Variants in CTNNA2 observed in about 807,000 individuals in gnomAD.
CTNNA2 encodes the protein catenin alpha-2.
CTNNA2 carries 42 observed loss-of-function variants against 101.0 expected under a neutral mutation model. The observed-to-expected ratio is 0.42, with a 90% confidence interval of 0.32 to 0.54. The LOEUF is 0.54. CTNNA2 is among the 20% of genes least tolerant of loss of function. The pLI, the probability that CTNNA2 is intolerant of heterozygous loss-of-function variation, is 0.14. For synonymous variants in CTNNA2, 450 were observed against 456.4 expected, an observed-to-expected ratio of 0.99 and a Z score of 0.18; for missense variants, 871 against 1,223.1, an observed-to-expected ratio of 0.71 and a Z score of 4.29.
intron 15 of CTNNA2, among the ~76,000 whole-genome samples, chr2:80,596,502 C>T (rs1176144927): frequency 4.7e-5 from 7 of 150,396 alleles, no homozygotes; most frequent in Admixed American, 1.3e-4. Context: ...TTAGTAGAGA[C>T]GGGGCTTCAC....
chr2:79,415,250 C>T (rs1036726378), intron 4 of CTNNA2, among the ~76,000 whole-genome samples: 6 of 152,246 alleles, frequency 3.9e-5, no homozygotes, highest in Admixed American at 3.3e-4. Context: ...TCCACCACTC[C>T]GTCTTGCTCC....
intron 7 of CTNNA2, among the ~76,000 whole-genome samples, chr2:80,062,022 C>T (rs1369382987): frequency 6.6e-6 from 1 of 152,196 alleles, no homozygotes; most frequent in African/African-American, 2.4e-5. Flanking sequence ...AGGCTTTCAG[C>T]CTGTCTGCAT....
Position 79,614,143 on chromosome 2 carries a change from G to T in CTNNA2, c.-5-37409G>T, listed in dbSNP as rs1678469008. On this transcript the variant is annotated intron_variant, in intron 1 of 18. Coordinates refer to ENST00000402739, the MANE Select transcript of CTNNA2 (RefSeq NM_001282597.3). Reference sequence around the variant, plus strand: ...TGAGCAATATTTAAATATAAATATGGTGGATATAGCACAATAAAAAATGAA... The same window carrying T: ...TGAGCAATATTTAAATATAAATATGTTGGATATAGCACAATAAAAAATGAA... Among the ~76,000 whole-genome samples, 3 of 152,190 alleles carry T rather than the reference G, an allele frequency of 2.0e-5. No individual in the cohort carries two copies. In the South Asian group the frequency reaches 6.2e-4, roughly 32 times the overall value.
At chr2:79,472,218 A>T (rs1036105904) in intron 4 of CTNNA2, among the ~76,000 whole-genome samples, 1 of 152,242 alleles carries the variant, frequency 6.6e-6, no homozygotes, top group Admixed American at 6.5e-5. Flanking sequence ...GTAAGTCCAC[A>T]TGCTAGCAAG....
chr2:79,245,853 A>G (rs1379550997), intron 2 of CTNNA2, among the ~76,000 whole-genome samples: 25 of 152,104 alleles, frequency 1.6e-4, no homozygotes. Context: ...CTGTCCCTGT[A>G]TCTTCTCTCC....
intron 4 of CTNNA2, among the ~76,000 whole-genome samples, chr2:79,482,771 A>T (rs556989740): frequency 1.3e-5 from 2 of 152,322 alleles, no homozygotes; most frequent in East Asian, 3.9e-4. Context: ...GAGAGAACTG[A>T]CCTTATCAGT....
At chr2:80,217,031 C>T (rs1358567647) in intron 7 of CTNNA2, among the ~76,000 whole-genome samples, 1 of 151,922 alleles carries the variant, frequency 6.6e-6, no homozygotes, top group Non-Finnish European at 1.5e-5. Context: ...GGAATTTCAC[C>T]ATGTTGGCCA....
chr2:80,189,526 A>G (rs955151995), intron 7 of CTNNA2, among the ~76,000 whole-genome samples: 5 of 152,246 alleles, frequency 3.3e-5, no homozygotes, highest in African/African-American at 1.2e-4. Context: ...TGCCCTCCAC[A>G]GGACAGTAGC....
chr2:80,212,307 G>A (rs1051518108), intron 7 of CTNNA2, among the ~76,000 whole-genome samples: 1 of 152,144 alleles, frequency 6.6e-6, no homozygotes, highest in African/African-American at 2.4e-5. Flanking sequence ...GTTTTCAAAG[G>A]GAATGCTTCA....
intron 9 of CTNNA2, among the ~76,000 whole-genome samples, chr2:80,497,934 CCT>C (rs1687594346): frequency 6.6e-6 from 1 of 152,166 alleles, no homozygotes; most frequent in Non-Finnish European, 1.5e-5. Context: ...TTAATTTCAG[CCT>C]CATGAAACCC....
chr2:79,337,221 G>A (rs1677014825), intron 3 of CTNNA2, among the ~76,000 whole-genome samples: 1 of 152,162 alleles, frequency 6.6e-6, no homozygotes, highest in Non-Finnish European at 1.5e-5. Context: ...ACATAAGTCT[G>A]TAACTGACCC....
chr2:79,699,120 G>A (rs1573717316), intron 2 of CTNNA2, among the ~76,000 whole-genome samples: 1 of 151,958 alleles, frequency 6.6e-6, no homozygotes, highest in Non-Finnish European at 1.5e-5. Context: ...AAACTAAAAA[G>A]CCACCTTTCC....
intron 7 of CTNNA2, among the ~76,000 whole-genome samples, chr2:80,358,147 A>G (rs1263366862): frequency 6.6e-6 from 1 of 152,090 alleles, no homozygotes; most frequent in Non-Finnish European, 1.5e-5. Context: ...TATTCACAGG[A>G]GCGATGTGAA....
At chr2:80,300,332 G>C (rs960020335) in intron 7 of CTNNA2, among the ~76,000 whole-genome samples, 1 of 136,810 alleles carries the variant, frequency 7.3e-6, no homozygotes, top group African/African-American at 2.7e-5. Context: ...GTGTGTGTGT[G>C]TAAGAAGCTG....
At chr2:80,090,435 A>G (rs1030893709) in intron 7 of CTNNA2, among the ~76,000 whole-genome samples, 1 of 152,026 alleles carries the variant, frequency 6.6e-6, no homozygotes, top group Non-Finnish European at 1.5e-5. Context: ...TCCTGGACTG[A>G]AAAGTCTGGG....
rs1265810962 is a variant in CTNNA2 at position 80,372,432 on chromosome 2, A to G, written c.1057-20779A>G. 4.9e-4 allele frequency among the ~76,000 whole-genome samples: 72 copies of G among 148,194 alleles called. 1 individual carries two copies. Among genetic ancestry groups the G allele is most frequent in the Admixed American group, 4.8e-3 (72 of 14,882 alleles). ...CATGTAGCAAAGGTTGCTCTTTCTT[A>G]AAATTTCTCTGTCCTTCCTAAAGAA... On this transcript the variant is annotated intron_variant, in intron 7 of 18. Coordinates refer to ENST00000402739, the MANE Select transcript of CTNNA2 (RefSeq NM_001282597.3).
chr2:79,956,872 T>A (rs1207179199), intron 7 of CTNNA2, among the ~76,000 whole-genome samples: 1 of 136,154 alleles, frequency 7.3e-6, no homozygotes. Context: ...TTTTTTTCAG[T>A]GTATGAAGCT....
intron 7 of CTNNA2, among the ~76,000 whole-genome samples, chr2:80,120,934 G>A (rs1253072838): frequency 6.6e-6 from 1 of 152,162 alleles, no homozygotes; most frequent in African/African-American, 2.4e-5. Context: ...AATAAGTGGA[G>A]TGTGTGGTGT....
At chr2:79,913,431 A>C (rs569842023) in intron 7 of CTNNA2, among the ~76,000 whole-genome samples, 1 of 152,244 alleles carries the variant, frequency 6.6e-6, no homozygotes, top group African/African-American at 2.4e-5. Flanking sequence ...TATGGTGCTG[A>C]GGCATCAGTC....
Sources: gnomAD v4.1 joint callset for allele counts (sites outside exome capture counted in the v4.1 genomes callset) on GRCh38, gnomAD v4.1.1 for gene constraint, MANE v1.5 for transcripts, NCBI Gene and HGNC (gene_info 2026-07-23, HGNC 2026-07-21) for gene names.